Variants in VPS39 observed in about 807,000 individuals in gnomAD.
VPS39 encodes vam6/Vps39-like protein.
In VPS39, 70 loss-of-function variants were observed where a neutral mutation model predicts 121.0. That is an observed-to-expected ratio of 0.58 (90% CI 0.48 to 0.71). VPS39 has a LOEUF of 0.71. VPS39 is among the 30% of genes least tolerant of loss of function. VPS39 has a pLI of 0.00. For synonymous variants in VPS39, 378 were observed against 398.1 expected, an observed-to-expected ratio of 0.95 and a Z score of 0.60; for missense variants, 818 against 1,051.5, an observed-to-expected ratio of 0.78 and a Z score of 3.07.
chr15:42,168,543 CT>C (rs773910224), intron 12 of VPS39, among the ~76,000 whole-genome samples: 2,874 of 136,710 alleles, frequency 0.021, 57 homozygotes, highest in African/African-American at 0.061. Flanking sequence ...AATACTTCTT[CT>C]TTTTTTTTTT....
intron 1 of VPS39, among the ~76,000 whole-genome samples, chr15:42,204,629 G>A (rs968035235): frequency 7.2e-5 from 11 of 152,058 alleles, no homozygotes; most frequent in African/African-American, 2.4e-4. Context: ...CAGCCTGGGC[G>A]ACAGAGCGAG....
At chr15:42,183,215 A>C (rs2049623630) in intron 8 of VPS39, among the ~76,000 whole-genome samples, 1 of 149,960 alleles carries the variant, frequency 6.7e-6, no homozygotes, top group African/African-American at 2.5e-5. Flanking sequence ...CTCCTGCCTC[A>C]ACTTCCCAAG....
At chr15:42,204,514 G>A (rs898127664) in intron 1 of VPS39, among the ~76,000 whole-genome samples, 1 of 152,162 alleles carries the variant, frequency 6.6e-6, no homozygotes, top group East Asian at 1.9e-4. Context: ...GCCAGGTATG[G>A]TGGTGGGTGG....
In VPS39 at chr15:42,178,231, G is replaced by A. The variant is rs1205953854; in HGVS notation, c.947C>T (p.Ala316Val). ...QLLQDKQFEL[A>V]LQLAEMKDDS... ...AACAAGACTTACTGCGAGCTGCAGA[G>A]CCAATTCAAACTGCTTGTCCTGGAG... The change falls in exon 10 of 25, where the codon GCT (alanine) becomes GTT (valine). Residue 316 changes from alanine to valine, a missense_variant. By Grantham distance (64) the Ala-to-Val change is moderately conservative (BLOSUM62 0). Coordinates refer to ENST00000318006, the MANE Select transcript of VPS39 (RefSeq NM_015289.5). 1 of 1,614,048 alleles carries A rather than the reference G, an allele frequency of 6.2e-7. No individual in the cohort carries two copies. The highest frequency in any genetic ancestry group is 8.5e-7 in the Non-Finnish European group (1 of 1,180,036).
intron 1 of VPS39, 44 bp downstream of exon 1, chr15:42,208,037 C>G (rs1229243612): frequency 6.4e-7 from 1 of 1,550,890 alleles, no homozygotes; most frequent in Non-Finnish European, 8.7e-7. Flanking sequence ...ATCCGGACCG[C>G]TCCTGTGCTG....
intron 10 of VPS39, among the ~76,000 whole-genome samples, chr15:42,177,724 T>G: frequency 6.6e-6 from 1 of 152,290 alleles, no homozygotes; most frequent in East Asian, 1.9e-4. Context: ...TGGAGTGCAG[T>G]GGCATGATCT....
intron 8 of VPS39, among the ~76,000 whole-genome samples, chr15:42,179,270 A>G (rs1425843906): frequency 6.6e-6 from 1 of 152,048 alleles, no homozygotes; most frequent in East Asian, 1.9e-4. Context: ...CTCTTAGAAA[A>G]GTGGCGGGAG....
rs559631368 is a variant in VPS39 at position 42,166,459 on chromosome 15, C to A, written c.1606+104G>T. On this transcript the variant is annotated intron_variant, in intron 15 of 24. Transcript: ENST00000318006. ...TTGGAGGAATGAAATTGAGTGAACA[C>A]GAGCACGGGAGGGAGGGGAGCAACC... 4.6e-4 allele frequency: 615 copies of A among 1,333,056 alleles called. 3 individuals are homozygous for A. The highest frequency in any genetic ancestry group is 1.7e-3 in the Middle Eastern group (9 of 5,442). 82.6% of individuals were successfully genotyped at this position (1,333,056 alleles called of 1,614,324 possible). A position where few individuals can be genotyped will look rare whatever the true frequency, so the allele number is the denominator to read the frequency against.
At chr15:42,185,180 T>A (rs1482511105) in intron 7 of VPS39, among the ~76,000 whole-genome samples, 3 of 142,614 alleles carry the variant, frequency 2.1e-5, no homozygotes, top group Non-Finnish European at 4.6e-5. Context: ...GAAAACAACT[T>A]TTTTTTTTTT....
chr15:42,168,607 A>C (rs2049291460), intron 12 of VPS39, among the ~76,000 whole-genome samples: 1 of 150,460 alleles, frequency 6.6e-6, no homozygotes, highest in Non-Finnish European at 1.5e-5. Context: ...GTAGTGGCGC[A>C]ATCTCGGCTC....
Position 42,178,442 on chromosome 15 carries a change from T to C in VPS39, c.839+8A>G, listed in dbSNP as rs773368022. The C allele has an allele frequency of 6.2e-7, 1 of 1,614,132 alleles. No individual in the cohort carries two copies. The highest frequency in any genetic ancestry group is 8.5e-7 in the Non-Finnish European group (1 of 1,180,020). On this transcript the variant is annotated splice_region_variant and intron_variant, in intron 9 of 24. Transcript: ENST00000318006. ...TATACAGCCATAGCAAAAAAAGAAA[T>C]TCCTTACCCTCCTGAGGTAATGAAA...
chr15:42,175,768 T>C (rs542233808), intron 10 of VPS39, among the ~76,000 whole-genome samples: 15 of 152,084 alleles, frequency 9.9e-5, no homozygotes, highest in Non-Finnish European at 2.2e-4. Context: ...ACTTAGGCCA[T>C]ACCTTCTTCT....
At chr15:42,172,894 T>C (rs1566895386) in intron 11 of VPS39, among the ~76,000 whole-genome samples, 1 of 152,158 alleles carries the variant, frequency 6.6e-6, no homozygotes, top group Non-Finnish European at 1.5e-5. Context: ...ACCAAGAATC[T>C]TGACTGATAC....
At position 42,164,449 on chromosome 15, in the gene VPS39, C is replaced by T. The variant is rs1337348366; in HGVS notation, c.1935G>A (p.Glu645=). The part of the protein sequence containing the change: ...TPVPAGEEEG[E]LGEYRQKLLM... The stretch of plus-strand genomic sequence containing the variant: ...GGAGCTTTTGCCGGTATTCTCCCAG[C>T]TCACCCTCTTCCTCTCCAGCTGGGA... Residue 645 remains glutamate, a synonymous_variant, in exon 19 of 25, where the codon GAG becomes GAA. Transcript: ENST00000318006. The T allele has an allele frequency of 2.5e-6, 4 of 1,613,952 alleles. No homozygotes were observed. The highest frequency in any genetic ancestry group is 1.7e-5 in the Admixed American group (1 of 60,008).
rs1265047670 is a variant in VPS39, at chr15:42,163,500, C to T, written c.2130-105G>A. 1.6e-5 allele frequency: 25 copies of T among 1,550,796 alleles called. No homozygotes were observed. The East Asian group carries it at 2.9e-4, about 18-fold the overall frequency. On this transcript the variant is annotated intron_variant, in intron 20 of 24. Transcript: ENST00000318006. ...AGCAGCCTAACCACAGCCAAAACTGCGGGCCAGGACGGAGGCGATTCTTGC... is the reference window on the plus strand; with the variant it reads ...AGCAGCCTAACCACAGCCAAAACTGTGGGCCAGGACGGAGGCGATTCTTGC...
At chr15:42,191,205 T>C in intron 3 of VPS39, 38 bp from the exon 4 acceptor site, 1 of 1,609,916 alleles carries the variant, frequency 6.2e-7, no homozygotes, top group Non-Finnish European at 8.5e-7. Flanking sequence ...ATTAAACATT[T>C]CTGACAAGGT....
At chr15:42,178,042 A>C (rs1248304539) in intron 10 of VPS39, among the ~76,000 whole-genome samples, 176 bp downstream of exon 10, 1 of 148,470 alleles carries the variant, frequency 6.7e-6, no homozygotes, top group East Asian at 1.9e-4. Flanking sequence ...GTGAAAAAGT[A>C]AACTCACTTA....
rs2049500630 is a variant in VPS39, at chr15:42,178,342, G to C, written c.840-4C>G. The C allele has an allele frequency of 6.2e-7, 1 of 1,614,172 alleles. No homozygotes were observed. The highest frequency in any genetic ancestry group is 8.5e-7 in the Non-Finnish European group (1 of 1,180,036). On this transcript the variant is annotated splice_region_variant and splice_polypyrimidine_tract_variant and intron_variant, in intron 9 of 24. Coordinates refer to ENST00000318006, the MANE Select transcript of VPS39 (RefSeq NM_015289.5). ...GGCCACATAGATAATGTTTGATCTG[G>C]AAGCAAGAGTAAGAATATTAGCAAA...
At chr15:42,201,431 T>C (rs901690179) in intron 1 of VPS39, among the ~76,000 whole-genome samples, 2 of 152,190 alleles carry the variant, frequency 1.3e-5, no homozygotes, top group Admixed American at 6.5e-5. Flanking sequence ...CCCTTCAGCT[T>C]CCCAAAGTGT....
Sources: allele counts gnomAD v4.1 joint callset (sites outside exome capture counted in the v4.1 genomes callset), GRCh38; gene constraint gnomAD v4.1.1; transcripts MANE v1.5; gene names NCBI Gene and HGNC (gene_info 2026-07-23, HGNC 2026-07-21).